The following PATJ variants were observed in gnomAD, a reference collection of about 807,000 sequenced individuals.
PATJ encodes PATJ crumbs cell polarity complex component, also known as inaD-like protein.
Under a neutral mutation model 224.9 loss-of-function variants are expected in PATJ, and 190 were observed. The ratio of observed to expected loss-of-function variants is 0.84; its 90% CI spans 0.75 to 0.95. PATJ has a LOEUF of 0.95. Ranked by LOEUF, PATJ falls within the 40% of genes least tolerant of loss-of-function variation. The pLI is 0.00. For synonymous variants in PATJ, 769 were observed against 820.3 expected (o/e 0.94, Z 1.07); for missense variants, 2,121 against 2,270.3 (o/e 0.93, Z 1.34).
At chr1:61,880,495 A>T (rs1353997893) in intron 21 of PATJ, among the ~76,000 whole-genome samples, 2 of 152,264 alleles carry the variant, frequency 1.3e-5, no homozygotes, top group African/African-American at 4.8e-5. Flanking sequence ...AACAAAACAA[A>T]ATATAGAAGG....
intron 28 of PATJ, among the ~76,000 whole-genome samples, chr1:62,000,094 G>A (rs1201323818): frequency 1.3e-5 from 2 of 151,898 alleles, no homozygotes; most frequent in African/African-American, 4.8e-5. Context: ...TCACCATATT[G>A]GCCAGGCTGG....
intron 22 of PATJ, among the ~76,000 whole-genome samples, chr1:61,896,882 G>T (rs1307343298): frequency 1.3e-5 from 2 of 152,130 alleles, no homozygotes; most frequent in African/African-American, 4.8e-5. Flanking sequence ...GTTTCCTGAA[G>T]CTTCCCCAGC....
intron 17 of PATJ, among the ~76,000 whole-genome samples, chr1:61,851,918 A>G (rs1034084503): frequency 6.6e-6 from 1 of 152,044 alleles, no homozygotes; most frequent in African/African-American, 2.4e-5. Flanking sequence ...TGCTGATGCC[A>G]CTCAGAGGAT....
intron 37 of PATJ, among the ~76,000 whole-genome samples, chr1:62,117,656 C>T (rs1664594628): frequency 2.0e-5 from 3 of 152,132 alleles, no homozygotes; most frequent in South Asian, 2.1e-4. Flanking sequence ...CCTAGGAGAA[C>T]CAAGTGTGGG....
rs117983494 is a variant in PATJ at position 62,153,455 on chromosome 1, A to G, written c.5476A>G (p.Ile1826Val). ...GYGSPHGDLP[I>V]YVKTVFAKGA... ...TGGAAGTCCCCATGGAGACCTGCCA[A>G]TTTATGTCAAGACTGTATTTGCAAA... Residue 1826 changes from isoleucine (I) to valine (V), a missense_variant, in exon 43 of 44, where the codon ATT becomes GTT. Coordinates refer to ENST00000642238, the MANE Select transcript of PATJ (RefSeq NM_001350145.3). 97 of 1,231,672 alleles carry G rather than the reference A, an allele frequency of 7.9e-5. 2 individuals are homozygous for G. In the East Asian group the frequency reaches 1.0e-3, roughly 13 times the overall value. 76.3% of individuals were successfully genotyped at this position (1,231,672 alleles called of 1,614,324 possible). A position where few individuals can be genotyped will look rare whatever the true frequency, so the allele number is the denominator to read the frequency against.
intron 7 of PATJ, among the ~76,000 whole-genome samples, chr1:61,780,717 A>C (rs1373191426): frequency 4.6e-5 from 7 of 152,262 alleles, no homozygotes; most frequent in African/African-American, 1.7e-4. Flanking sequence ...AGGGTCAAGT[A>C]AATTTAAACA....
chr1:61,777,207 C>G (rs1185565170), intron 7 of PATJ, among the ~76,000 whole-genome samples: 1 of 152,062 alleles, frequency 6.6e-6, no homozygotes, highest in Non-Finnish European at 1.5e-5. Flanking sequence ...TGAGCTTAAG[C>G]AAAAAATTAG....
chr1:62,013,449 T>C, intron 28 of PATJ: 1 of 985,396 alleles, frequency 1.0e-6, no homozygotes, highest in Non-Finnish European at 1.2e-6. Flanking sequence ...AGGGCCACTA[T>C]GCACAAGCTA....
intron 4 of PATJ, among the ~76,000 whole-genome samples, chr1:61,768,810 G>A (rs1646439795): frequency 6.6e-6 from 1 of 151,894 alleles, no homozygotes; most frequent in African/African-American, 2.4e-5. Context: ...TGAGGCAGGA[G>A]GATCGCTTGA....
intron 10 of PATJ, among the ~76,000 whole-genome samples, chr1:61,796,461 C>A (rs1461842500): frequency 6.6e-6 from 1 of 152,106 alleles, no homozygotes; most frequent in Non-Finnish European, 1.5e-5. Flanking sequence ...TCTATTAATA[C>A]ATCTTGTGTA....
At chr1:62,070,946 G>T (rs1380547671) in intron 31 of PATJ, among the ~76,000 whole-genome samples, 1 of 152,158 alleles carries the variant, frequency 6.6e-6, no homozygotes, top group Admixed American at 6.6e-5. Context: ...ACAATGAACA[G>T]CTGGGCATAA....
chr1:61,901,773 A>T (rs1030547452), intron 24 of PATJ, among the ~76,000 whole-genome samples: 5 of 152,192 alleles, frequency 3.3e-5, no homozygotes, highest in Non-Finnish European at 5.9e-5. Context: ...ACAAGCTCTA[A>T]ATTTTTTTCC....
At chr1:62,073,745 C>T (rs1171938388) in intron 31 of PATJ, among the ~76,000 whole-genome samples, 2 of 152,158 alleles carry the variant, frequency 1.3e-5, no homozygotes, top group Non-Finnish European at 2.9e-5. Flanking sequence ...GTCCCAGCTA[C>T]TCAGGTAGCT....
At chr1:61,753,535 CAG>C (rs1211341824) in intron 1 of PATJ, among the ~76,000 whole-genome samples, 3 of 148,550 alleles carry the variant, frequency 2.0e-5, no homozygotes, top group Non-Finnish European at 4.4e-5. Context: ...TTTTTTGAGA[CAG>C]AGTCTCACTC....
At chr1:61,999,550 C>G (rs1645619077) in intron 28 of PATJ, among the ~76,000 whole-genome samples, 1 of 151,998 alleles carries the variant, frequency 6.6e-6, no homozygotes, top group Non-Finnish European at 1.5e-5. Flanking sequence ...CAGCTGTAAT[C>G]TCAGCTACTC....
chr1:62,062,392 C>CTTTTTT (rs60747316), intron 31 of PATJ, among the ~76,000 whole-genome samples: 12 of 28,474 alleles, frequency 4.2e-4, no homozygotes, highest in East Asian at 1.1e-3. Flanking sequence ...ATGTTGTCTT[C>CTTTTTT]TTTTTTTTTT....
intron 1 of PATJ, among the ~76,000 whole-genome samples, chr1:61,746,421 A>G (rs1645029782): frequency 6.6e-6 from 1 of 152,138 alleles, no homozygotes; most frequent in Non-Finnish European, 1.5e-5. Flanking sequence ...AAAGCAGGGG[A>G]AGATTAGAGT....
chr1:62,121,986 G>C (rs922603203), intron 38 of PATJ, among the ~76,000 whole-genome samples: 1 of 152,064 alleles, frequency 6.6e-6, no homozygotes, highest in African/African-American at 2.4e-5. Flanking sequence ...ATCCTTGGGG[G>C]CAGGGTGGGA....
chr1:62,023,307 T>A (rs997204522), intron 29 of PATJ, among the ~76,000 whole-genome samples: 10 of 140,178 alleles, frequency 7.1e-5, no homozygotes, highest in East Asian at 6.1e-4. Flanking sequence ...AAAAAAAAAA[T>A]CCTTCTTGTG....
Sources: gnomAD v4.1 joint callset for allele counts (sites outside exome capture counted in the v4.1 genomes callset) on GRCh38, gnomAD v4.1.1 for gene constraint, MANE v1.5 for transcripts, NCBI Gene and HGNC (gene_info 2026-07-23, HGNC 2026-07-21) for gene names.